PDE1C: variants seen among roughly 807,000 people sequenced by gnomAD.
PDE1C encodes dual specificity calcium/calmodulin-dependent 3',5'-cyclic nucleotide phosphodiesterase 1C.
A neutral mutation model predicts 93.1 loss-of-function variants in PDE1C; 62 were observed. The observed-to-expected ratio is 0.67, with a 90% CI of 0.54 to 0.82. The LOEUF (loss-of-function observed/expected upper bound fraction) is 0.82. Ranked by LOEUF, PDE1C falls within the 40% of genes least tolerant of loss-of-function variation. The pLI, the probability that PDE1C is intolerant of heterozygous loss-of-function variation, is 0.00. For missense variants in PDE1C, 742 were observed against 884.6 expected, an observed-to-expected ratio of 0.84 and a Z score of 2.04; for synonymous variants, 325 against 310.1, an observed-to-expected ratio of 1.05 and a Z score of -0.50.
the PDE1C span, among the ~76,000 whole-genome samples, chr7:31,664,001 T>C: frequency 8.5e-5 from 13 of 152,190 alleles, no homozygotes; most frequent in African/African-American, 2.9e-4. Context: ...TTCTGGTAAA[T>C]AGGATCATCC....
At chr7:32,309,724 T>C (rs1255641553) in intron 1 of PDE1C, among the ~76,000 whole-genome samples, 1 of 152,136 alleles carries the variant, frequency 6.6e-6, no homozygotes, top group African/African-American at 2.4e-5. Context: ...CCACCAGGCC[T>C]GCCCTAAAAG....
At chr7:32,163,116 C>T (rs763436880) in intron 3 of PDE1C, among the ~76,000 whole-genome samples, 2 of 152,208 alleles carry the variant, frequency 1.3e-5, no homozygotes, top group South Asian at 2.1e-4. Context: ...GAAGGCAACA[C>T]TAAGTCAGGA....
chr7:31,831,572 G>A (rs926409004), intron 11 of PDE1C, among the ~76,000 whole-genome samples: 14 of 151,946 alleles, frequency 9.2e-5, no homozygotes, highest in Admixed American at 5.3e-4. Context: ...GACAATTCTA[G>A]ATAGCTTAGA....
At chr7:32,397,412 A>G (rs186873674) in intron 1 of PDE1C, among the ~76,000 whole-genome samples, 71 of 152,266 alleles carry the variant, frequency 4.7e-4, no homozygotes, top group Non-Finnish European at 8.1e-4. Context: ...GAAATTTAGA[A>G]GCTTGACAAC....
intron 9 of PDE1C, among the ~76,000 whole-genome samples, chr7:31,842,813 C>G (rs1792086179): frequency 1.3e-5 from 2 of 151,808 alleles, no homozygotes; most frequent in Admixed American, 1.3e-4. Flanking sequence ...CTGTTTTGGT[C>G]TAGCTTCCTG....
chr7:32,116,994 A>C (rs1217982835), intron 3 of PDE1C, among the ~76,000 whole-genome samples: 1 of 152,156 alleles, frequency 6.6e-6, no homozygotes, highest in African/African-American at 2.4e-5. Flanking sequence ...AAGCACTTTT[A>C]TACACAAGTT....
At chr7:31,682,062 C>T in the PDE1C span, among the ~76,000 whole-genome samples, 5 of 152,184 alleles carry the variant, frequency 3.3e-5, no homozygotes, top group African/African-American at 1.2e-4. Context: ...TCTACCAATT[C>T]TTAGCTGTCT....
intron 1 of PDE1C, among the ~76,000 whole-genome samples, chr7:32,288,559 G>T (rs925915908): frequency 6.6e-6 from 1 of 152,192 alleles, no homozygotes; most frequent in Non-Finnish European, 1.5e-5. Context: ...GGGCCCAGCA[G>T]ATGGTTGGGA....
chr7:32,361,266 CA>C (rs1784132130), intron 1 of PDE1C, among the ~76,000 whole-genome samples: 1 of 152,172 alleles, frequency 6.6e-6, no homozygotes, highest in African/African-American at 2.4e-5. Context: ...ACGGTAGGTG[CA>C]AAGGCAGGAT....
chr7:32,369,923 T>C (rs427898), intron 1 of PDE1C, among the ~76,000 whole-genome samples: 142,275 of 152,236 alleles, frequency 0.93, 66,766 homozygotes, highest in East Asian at 1. Context: ...GACAGTGTGG[T>C]GATTCCTCAA....
rs1245559524 is a variant in PDE1C, at chr7:31,753,256, G to A, written c.*128C>T. On this transcript the variant is annotated 3_prime_UTR_variant, in exon 18 of 18. Coordinates refer to ENST00000396191, the MANE Select transcript of PDE1C (RefSeq NM_001191057.4). ...ATACAACTTTCATTTCACCTTGGTG[G>A]AGTCAACCAGGATAGTACCTGCTCC... 4 of 1,128,264 alleles carry A rather than the reference G, an allele frequency of 3.5e-6. No individual in the cohort carries two copies. Among genetic ancestry groups the A allele is most frequent in the South Asian group, 1.9e-5 (1 of 53,530 alleles). The allele number at this position is 1,128,264 out of a possible 1,614,324, so 69.9% of individuals were successfully genotyped here.
At chr7:32,042,869 C>T (rs1792025562) in intron 2 of PDE1C, among the ~76,000 whole-genome samples, 1 of 152,144 alleles carries the variant, frequency 6.6e-6, no homozygotes, top group Admixed American at 6.5e-5. Context: ...GTAACTGGAA[C>T]CAGAGAATAC....
At chr7:31,940,913 C>T (rs1305032321) in intron 2 of PDE1C, among the ~76,000 whole-genome samples, 3 of 151,988 alleles carry the variant, frequency 2.0e-5, no homozygotes, top group Admixed American at 2.0e-4. Flanking sequence ...GCTCTGCCCA[C>T]CTCAGCCCTT....
At chr7:32,026,272 G>C (rs958204719) in intron 2 of PDE1C, among the ~76,000 whole-genome samples, 2 of 152,086 alleles carry the variant, frequency 1.3e-5, no homozygotes, top group African/African-American at 4.8e-5. Flanking sequence ...TAGGCACATG[G>C]GGCAAAGCTG....
chr7:32,152,783 C>G (rs989045973), intron 3 of PDE1C, among the ~76,000 whole-genome samples: 19 of 152,148 alleles, frequency 1.2e-4, no homozygotes, highest in African/African-American at 4.3e-4. Context: ...CAGGCACATA[C>G]ATGCTACGTG....
At chr7:32,106,104 T>C (rs997993049) in intron 3 of PDE1C, among the ~76,000 whole-genome samples, 1 of 152,178 alleles carries the variant, frequency 6.6e-6, no homozygotes, top group Non-Finnish European at 1.5e-5. Flanking sequence ...CTCGACCTCC[T>C]GGGCTCAAAC....
At chr7:31,826,845 G>A (rs981296913) in intron 12 of PDE1C, among the ~76,000 whole-genome samples, 2 of 152,040 alleles carry the variant, frequency 1.3e-5, no homozygotes, top group African/African-American at 4.8e-5. Flanking sequence ...ATCTGTAAAG[G>A]ACCAGATAGT....
chr7:32,369,210 C>A (rs926007245), intron 1 of PDE1C, among the ~76,000 whole-genome samples: 1 of 152,106 alleles, frequency 6.6e-6, no homozygotes, highest in African/African-American at 2.4e-5. Flanking sequence ...AAACAACCTA[C>A]AGAATGGAAA....
chr7:32,199,190 TTTCTC>T (rs767073299), intron 2 of PDE1C, among the ~76,000 whole-genome samples: 19 of 152,140 alleles, frequency 1.2e-4, no homozygotes, highest in African/African-American at 2.7e-4. Flanking sequence ...TAACCTGTCT[TTTCTC>T]TTCAATTATT....
Sources: gnomAD v4.1 joint callset for allele counts (sites outside exome capture counted in the v4.1 genomes callset) on GRCh38, gnomAD v4.1.1 for gene constraint, MANE v1.5 for transcripts, NCBI Gene and HGNC (gene_info 2026-07-23, HGNC 2026-07-21) for gene names.